Variants in PCDHA6 observed in about 807,000 individuals in gnomAD.
PCDHA6 encodes protocadherin alpha-6.
In PCDHA6, 55 loss-of-function variants were observed where a neutral mutation model predicts 60.3. The ratio of observed to expected loss-of-function variants is 0.91; its 90% CI spans 0.73 to 1.14. The LOEUF is 1.14. Among genes scored for constraint, PCDHA6 ranks in the 50% most tolerant of loss-of-function variants. PCDHA6 has a pLI of 0.00. For synonymous variants in PCDHA6, 652 were observed against 557.9 expected (o/e 1.17, Z -2.38); for missense variants, 1,327 against 1,256.5 (o/e 1.06, Z -0.85).
intron 1 of PCDHA6, chr5:140,830,725 T>A (rs1319417645): frequency 9.0e-6 from 2 of 221,188 alleles, no homozygotes; most frequent in Admixed American, 5.6e-5. Context: ...AACCAAAATA[T>A]TCTTGGATAT....
chr5:140,888,239 C>G (rs1361679058), intron 1 of PCDHA6, among the ~76,000 whole-genome samples: 3 of 151,992 alleles, frequency 2.0e-5, no homozygotes, highest in Non-Finnish European at 4.4e-5. Flanking sequence ...TGTGCGTGTT[C>G]CTTTAAAGCA....
At position 140,870,104 on chromosome 5, in the gene PCDHA6, C is replaced by G. The variant is rs782066407; in HGVS notation, c.2394+39619C>G. 3.1e-6 allele frequency: 5 copies of G among 1,613,930 alleles called. No individual in the cohort carries two copies. The Admixed American group carries it at 8.3e-5, about 27-fold the overall frequency. ...ACTCCCCCAATGGCAGGTCACTGTACAGTCTGGGTGGAAATCTTGGACACC... is the reference window on the plus strand; with the variant it reads ...ACTCCCCCAATGGCAGGTCACTGTAGAGTCTGGGTGGAAATCTTGGACACC... On this transcript the variant is annotated intron_variant, in intron 1 of 3. Coordinates refer to ENST00000529310, the MANE Select transcript of PCDHA6 (RefSeq NM_018909.4).
chr5:140,852,885 A>ATTT, intron 1 of PCDHA6: 1 of 778,088 alleles, frequency 1.3e-6, no homozygotes, highest in Non-Finnish European at 1.6e-6. Context: ...CATAAAACGT[A>ATTT]TTTTTTTTTT....
chr5:140,976,743 C>A (rs782329745), intron 1 of PCDHA6, among the ~76,000 whole-genome samples: 16 of 152,116 alleles, frequency 1.1e-4, no homozygotes, highest in Non-Finnish European at 1.5e-4. Context: ...ATTTTAAAAA[C>A]CTCCCAGATG....
chr5:140,842,874 A>C lies in PCDHA6; in HGVS notation c.2394+12389A>C, dbSNP rs2150346972. 38 of 1,593,708 alleles carry C rather than the reference A, an allele frequency of 2.4e-5. 5 individuals carry two copies. The highest frequency in any genetic ancestry group is 2.3e-4 in the African/African-American group (17 of 74,204). On this transcript the variant is annotated intron_variant, in intron 1 of 3. Coordinates refer to ENST00000529310, the MANE Select transcript of PCDHA6 (RefSeq NM_018909.4). Reference sequence around the variant, plus strand: ...GTGCACACGGAGAGCGGCAAGGTGTACGCGCTGCAGCCGCTGGACCACGAG... The same window carrying C: ...GTGCACACGGAGAGCGGCAAGGTGTCCGCGCTGCAGCCGCTGGACCACGAG...
At chr5:140,837,490 C>A (rs1775075680) in intron 1 of PCDHA6, among the ~76,000 whole-genome samples, 1 of 146,602 alleles carries the variant, frequency 6.8e-6, no homozygotes, top group East Asian at 2.0e-4. Context: ...ATTTACTTTA[C>A]CTTTCTGAAT....
chr5:140,987,747 T>G (rs1336636332), intron 3 of PCDHA6, among the ~76,000 whole-genome samples: 1 of 152,178 alleles, frequency 6.6e-6, no homozygotes. Context: ...TAGACCCAGG[T>G]TGTTCTGAGT....
chr5:140,991,386 G>T (rs1044991848), intron 3 of PCDHA6, among the ~76,000 whole-genome samples: 2 of 152,168 alleles, frequency 1.3e-5, no homozygotes, highest in African/African-American at 4.8e-5. Context: ...CAACTGTAGG[G>T]TGTCTGTATT....
rs1562723002 is a variant in PCDHA6, at chr5:140,876,958, G to C, written c.2394+46473G>C. 3 of 1,613,288 alleles carry C rather than the reference G, an allele frequency of 1.9e-6. No individual in the cohort carries two copies. The East Asian group carries it at 6.7e-5, about 36-fold the overall frequency. On this transcript the variant is annotated intron_variant, in intron 1 of 3. Transcript: ENST00000529310. ...CGCGCTGGTGTCCTACTCGCTGGTG[G>C]AGCGGCGGGTGGGCGAGCACGCACT...
At chr5:140,981,203 C>T (rs2096922514) in intron 2 of PCDHA6, among the ~76,000 whole-genome samples, 1 of 152,212 alleles carries the variant, frequency 6.6e-6, no homozygotes, top group South Asian at 2.1e-4. Flanking sequence ...TCTGTTGCCT[C>T]ATATAACCCC....
At position 140,850,694 on chromosome 5, in the gene PCDHA6, G is replaced by T. The variant is rs2150494629; in HGVS notation, c.2394+20209G>T. The T allele has an allele frequency of 5.6e-6, 9 of 1,598,344 alleles. 1 individual carries two copies. The Admixed American group carries it at 8.4e-5, about 15-fold the overall frequency. On this transcript the variant is annotated intron_variant, in intron 1 of 3. Coordinates refer to ENST00000529310, the MANE Select transcript of PCDHA6 (RefSeq NM_018909.4). ...CGATGCCCACCGAGGGCGAGTGCGC[G>T]CCTGGCAAGCCGACGCTGGTGTGTT...
intron 3 of PCDHA6, among the ~76,000 whole-genome samples, chr5:140,999,527 C>G (rs578180518): frequency 6.6e-6 from 1 of 152,088 alleles, no homozygotes; most frequent in Non-Finnish European, 1.5e-5. Context: ...TTGTTACCCC[C>G]TGGATATGAC....
At chr5:140,993,509 CGGGGAGAGAGAG>C (rs1563592888) in intron 3 of PCDHA6, among the ~76,000 whole-genome samples, 1 of 143,490 alleles carries the variant, frequency 7.0e-6, no homozygotes, top group Admixed American at 7.0e-5. Context: ...CACACACACA[CGGGGAGAGAGAG>C]ACAGAGAGAG....
intron 1 of PCDHA6, chr5:140,841,363 A>G (rs1777178897): frequency 2.5e-6 from 4 of 1,613,472 alleles, no homozygotes; most frequent in African/African-American, 1.3e-5. Context: ...CCTGGCGACT[A>G]CTACTCTTGC....
At chr5:140,848,333 C>T in intron 1 of PCDHA6, 2 of 843,612 alleles carry the variant, frequency 2.4e-6, no homozygotes, top group Non-Finnish European at 1.9e-6. Flanking sequence ...TCTCTGAATC[C>T]AGACAAATAC....
intron 1 of PCDHA6, among the ~76,000 whole-genome samples, chr5:140,953,962 T>C (rs2153701012): frequency 6.6e-6 from 1 of 152,196 alleles, no homozygotes; most frequent in Admixed American, 6.5e-5. Flanking sequence ...CAGGCCCCAG[T>C]GTGTGTTGTT....
chr5:140,848,134 AC>A (rs1781341160), intron 1 of PCDHA6: 1 of 192,738 alleles, frequency 5.2e-6, no homozygotes, highest in South Asian at 1.3e-4. Context: ...GTCATACAAA[AC>A]TTTTAGAGGC....
chr5:140,864,892 A>G (rs1240811455), intron 1 of PCDHA6: 4 of 152,184 alleles, frequency 2.6e-5, no homozygotes, highest in African/African-American at 4.8e-5. Flanking sequence ...ATTAAGCTGC[A>G]TGGTCTTCAG....
At position 140,946,631 on chromosome 5, in the gene PCDHA6, T is replaced by C. The variant is rs75895301; in HGVS notation, c.2395-32318T>C. Among the ~76,000 whole-genome samples, 565 of 131,680 alleles carry C rather than the reference T, an allele frequency of 4.3e-3. 19 individuals are homozygous for C. Among genetic ancestry groups the C allele is most frequent in the Middle Eastern group, 0.019 (5 of 266 alleles). 86.4% of individuals were successfully genotyped at this position (131,680 alleles called of 152,430 possible). A position where few individuals can be genotyped will look rare whatever the true frequency, so the allele number is the denominator to read the frequency against. On this transcript the variant is annotated intron_variant, in intron 1 of 3. Coordinates refer to ENST00000529310, the MANE Select transcript of PCDHA6 (RefSeq NM_018909.4). ...TGTGAAATATATATATATATATATA[T>C]ACAATGGAATACTCATCAGCCATTA... is the stretch of plus-strand genomic sequence containing the variant.
Sources: gnomAD v4.1 joint callset for allele counts (sites outside exome capture counted in the v4.1 genomes callset) on GRCh38, gnomAD v4.1.1 for gene constraint, MANE v1.5 for transcripts, NCBI Gene and HGNC (gene_info 2026-07-23, HGNC 2026-07-21) for gene names.